The following CTNNA2 variants were observed in gnomAD, a reference collection of about 807,000 sequenced individuals.
The protein encoded by CTNNA2 is catenin alpha-2.
In CTNNA2, 42 loss-of-function variants were observed where a neutral mutation model predicts 101.0. That is an observed-to-expected ratio of 0.42 (90% CI 0.32 to 0.54). The LOEUF is 0.54. Ranked by LOEUF, CTNNA2 falls within the 20% of genes least tolerant of loss-of-function variation. The probability of loss-of-function intolerance (pLI) is 0.14; values close to 1 mark genes in which losing one functional copy is unlikely to be tolerated. For synonymous variants in CTNNA2, 450 were observed against 456.4 expected, an observed-to-expected ratio of 0.99 and a Z score of 0.18; for missense variants, 871 against 1,223.1, an observed-to-expected ratio of 0.71 and a Z score of 4.29.
At chr2:79,482,763 G>C (rs994127383) in intron 4 of CTNNA2, among the ~76,000 whole-genome samples, 4 of 152,190 alleles carry the variant, frequency 2.6e-5, no homozygotes, top group Non-Finnish European at 5.9e-5. Context: ...GAGGAAGAGA[G>C]AGAACTGACC....
chr2:80,202,522 C>A (rs1707270294), intron 7 of CTNNA2, among the ~76,000 whole-genome samples: 1 of 152,158 alleles, frequency 6.6e-6, no homozygotes, highest in Non-Finnish European at 1.5e-5. Context: ...AATTCATTTG[C>A]ATTAATAGCA....
chr2:79,953,485 A>G (rs1689020949), intron 7 of CTNNA2, among the ~76,000 whole-genome samples: 1 of 152,130 alleles, frequency 6.6e-6, no homozygotes, highest in Non-Finnish European at 1.5e-5. Context: ...GCCAATTTGT[A>G]TGACTGTTTG....
At chr2:80,488,441 A>G (rs1686774114) in intron 9 of CTNNA2, among the ~76,000 whole-genome samples, 1 of 152,146 alleles carries the variant, frequency 6.6e-6, no homozygotes, top group Non-Finnish European at 1.5e-5. Context: ...ATTATAGGAC[A>G]GATGCCATCA....
At chr2:80,603,956 C>T (rs1231796578) in intron 15 of CTNNA2, 118 bp from the exon 16 acceptor site, 4 of 681,438 alleles carry the variant, frequency 5.9e-6, no homozygotes, top group African/African-American at 1.8e-5. Context: ...CAAAATTCGA[C>T]TAATGTGGCC....
chr2:79,330,878 T>G (rs1676856149), intron 3 of CTNNA2, among the ~76,000 whole-genome samples: 1 of 152,172 alleles, frequency 6.6e-6, no homozygotes, highest in Admixed American at 6.5e-5. Flanking sequence ...GTCTCAGGTA[T>G]GTCTTTATTA....
intron 4 of CTNNA2, among the ~76,000 whole-genome samples, chr2:79,416,830 G>C (rs1240744135): frequency 6.6e-6 from 1 of 152,012 alleles, no homozygotes; most frequent in Non-Finnish European, 1.5e-5. Flanking sequence ...TTATCCCACA[G>C]AAGTCACTTA....
chr2:79,482,204 A>G (rs1413052151), intron 4 of CTNNA2, among the ~76,000 whole-genome samples: 1 of 152,216 alleles, frequency 6.6e-6, no homozygotes, highest in Non-Finnish European at 1.5e-5. Flanking sequence ...GTCATCAGGA[A>G]TTTTAAAGCT....
At chr2:80,261,654 C>T (rs1297671585) in intron 7 of CTNNA2, among the ~76,000 whole-genome samples, 1 of 152,108 alleles carries the variant, frequency 6.6e-6, no homozygotes, top group Non-Finnish European at 1.5e-5. Flanking sequence ...TGAATCTCAG[C>T]TAACTCCAGT....
At position 79,704,437 on chromosome 2, in the gene CTNNA2, T is replaced by G. The variant is rs114831687; in HGVS notation, c.103-39950T>G. 8.3e-4 allele frequency among the ~76,000 whole-genome samples: 126 copies of G among 152,280 alleles called. 1 individual carries two copies. The highest frequency in any genetic ancestry group is 2.9e-3 in the African/African-American group (119 of 41,556). On this transcript the variant is annotated intron_variant, in intron 2 of 18. Coordinates refer to ENST00000402739, the MANE Select transcript of CTNNA2 (RefSeq NM_001282597.3). ...AACGTGATCTTTTCAAATCTCAATG[T>G]TTAACGGTAAATATCCTAGAGAAAC...
At chr2:79,674,006 T>G (rs34355553) in intron 2 of CTNNA2, among the ~76,000 whole-genome samples, 9,805 of 152,276 alleles carry the variant, frequency 0.064, 469 homozygotes, top group Non-Finnish European at 0.091. Flanking sequence ...GTTCTTAAAC[T>G]TTAATATGTA....
chr2:79,881,709 C>T (rs559186420), intron 6 of CTNNA2, among the ~76,000 whole-genome samples: 12 of 151,398 alleles, frequency 7.9e-5, no homozygotes, highest in South Asian at 2.1e-4. Context: ...TCTTTGCATG[C>T]GAGATGGGTC....
intron 2 of CTNNA2, among the ~76,000 whole-genome samples, chr2:79,719,255 T>C (rs535995149): frequency 6.6e-6 from 1 of 152,318 alleles, no homozygotes; most frequent in Non-Finnish European, 1.5e-5. Context: ...TCATTGTTTT[T>C]ATGACTATAT....
intron 1 of CTNNA2, among the ~76,000 whole-genome samples, chr2:79,566,149 C>A (rs1334023237): frequency 6.6e-6 from 1 of 152,060 alleles, no homozygotes; most frequent in East Asian, 1.9e-4. Flanking sequence ...ATTGAAACAA[C>A]ATTTGTCTAG....
chr2:79,331,301 A>G (rs1430729986), intron 3 of CTNNA2, among the ~76,000 whole-genome samples: 2 of 152,128 alleles, frequency 1.3e-5, no homozygotes, highest in African/African-American at 2.4e-5. Context: ...GGAGTCCTCC[A>G]TTATGGTGTC....
chr2:79,960,139 T>C (rs1246799457), intron 7 of CTNNA2, among the ~76,000 whole-genome samples: 1 of 152,168 alleles, frequency 6.6e-6, no homozygotes, highest in East Asian at 1.9e-4. Flanking sequence ...TAAAATCCAC[T>C]AGAGAAAATC....
chr2:79,783,725 A>G (rs762301390), intron 3 of CTNNA2, among the ~76,000 whole-genome samples: 1 of 152,134 alleles, frequency 6.6e-6, no homozygotes, highest in Non-Finnish European at 1.5e-5. Flanking sequence ...GCCAACATGT[A>G]TCTTCTCAAA....
chr2:80,026,492 T>C (rs1346901785), intron 7 of CTNNA2, among the ~76,000 whole-genome samples: 1 of 152,172 alleles, frequency 6.6e-6, no homozygotes, highest in Non-Finnish European at 1.5e-5. Context: ...TCCTGCTGGC[T>C]GTGGAGAGAG....
chr2:80,104,821 T>C (rs991119322), intron 7 of CTNNA2, among the ~76,000 whole-genome samples: 7 of 152,210 alleles, frequency 4.6e-5, no homozygotes, highest in African/African-American at 1.7e-4. Context: ...TTTAAACCCT[T>C]GGGTAGCTAT....
intron 17 of CTNNA2, among the ~76,000 whole-genome samples, chr2:80,616,698 A>AAT (rs3841886): frequency 2.1e-4 from 32 of 151,250 alleles, no homozygotes; most frequent in Admixed American, 1.1e-3. Flanking sequence ...CAGCTAATCT[A>AAT]CAGTTGGAGT....
Sources: gnomAD v4.1 joint callset for allele counts (sites outside exome capture counted in the v4.1 genomes callset) on GRCh38, gnomAD v4.1.1 for gene constraint, MANE v1.5 for transcripts, NCBI Gene and HGNC (gene_info 2026-07-23, HGNC 2026-07-21) for gene names.